Variants in C12orf76 observed in about 807,000 individuals in gnomAD.
The protein encoded by C12orf76 is chromosome 12 open reading frame 76.
A neutral mutation model predicts 6.8 loss-of-function variants in C12orf76; 6 were observed. The observed-to-expected ratio is 0.88, with a 90% CI of 0.48 to 1.73. The LOEUF (loss-of-function observed/expected upper bound fraction) is 1.73, where lower values mean the gene tolerates loss of function less well. Among genes scored for constraint, C12orf76 ranks in the 40% most tolerant of loss-of-function variants. The pLI is 0.01. For missense variants in C12orf76, 99 were observed against 98.2 expected (o/e 1.01, Z -0.03); for synonymous variants, 56 against 43.7 (o/e 1.28, Z -1.11).
exon 1 of C12orf76, chr12:110,067,646 G>A (rs1188414677): frequency 1.1e-6 from 1 of 885,534 alleles, no homozygotes; most frequent in Non-Finnish European, 1.4e-6. Context: ...AAAGTATTGG[G>A]ATTACAGGGG....
At position 110,042,040 on chromosome 12, in the gene C12orf76, A is replaced by C. The variant is rs1892327368; in HGVS notation, c.*334T>G. On this transcript the variant is annotated 3_prime_UTR_variant, in exon 2 of 2. Coordinates refer to ENST00000615315, the MANE Select transcript of C12orf76 (RefSeq NM_001389625.1). Reference sequence around the variant, plus strand: ...CAAGCATTAATGATGAGTTCTTTACAGTGTGGTTCTTACAGGCACTCACAA... The same window carrying C: ...CAAGCATTAATGATGAGTTCTTTACCGTGTGGTTCTTACAGGCACTCACAA... The C allele has an allele frequency of 3.0e-6, 1 of 333,682 alleles. No individual in the cohort carries two copies. The highest frequency in any genetic ancestry group is 2.0e-5 in the African/African-American group (1 of 49,276). The allele number at this position is 333,682 out of a possible 1,614,324, so 20.7% of individuals were successfully genotyped here. A position where few individuals can be genotyped will look rare whatever the true frequency, so the allele number is the denominator to read the frequency against.
At chr12:110,052,605 A>G (rs760149667), upstream of C12orf76, among the ~76,000 whole-genome samples, 4 of 152,346 alleles carry the variant, frequency 2.6e-5, no homozygotes, top group Non-Finnish European at 5.9e-5. Flanking sequence ...GATTACATGC[A>G]TGTGCCATCG....
chr12:110,055,068 A>G (rs1348162150), intron 4 of C12orf76, among the ~76,000 whole-genome samples: 5 of 152,320 alleles, frequency 3.3e-5, no homozygotes, highest in South Asian at 2.1e-4. Flanking sequence ...GTTAAATTGG[A>G]TGATGGTATG....
intron 1 of C12orf76, among the ~76,000 whole-genome samples, chr12:110,066,368 A>G (rs1248304226): frequency 1.6e-4 from 1 of 6,234 alleles, no homozygotes; most frequent in African/African-American, 4.0e-4. Flanking sequence ...GACTCCATCT[A>G]AAAAAAAAAA....
chr12:110,067,395 A>G (rs1315671604), intron 1 of C12orf76: 1 of 985,306 alleles, frequency 1.0e-6, no homozygotes, highest in Non-Finnish European at 1.2e-6. Context: ...CACAGCCCAG[A>G]CAAGCCAGGA....
intron 1 of C12orf76, among the ~76,000 whole-genome samples, chr12:110,046,386 A>G (rs781441655): frequency 5.3e-5 from 8 of 152,232 alleles, no homozygotes; most frequent in Non-Finnish European, 7.3e-5. Context: ...AGACCGCACC[A>G]CTGCACTCCA....
intron 1 of C12orf76, chr12:110,067,361 C>A: frequency 1.0e-6 from 1 of 966,130 alleles, no homozygotes. Flanking sequence ...AATAGGAGCT[C>A]AACAATTACC....
upstream of C12orf76, chr12:110,050,724 C>G: frequency 2.2e-6 from 1 of 463,986 alleles, no homozygotes; most frequent in South Asian, 3.1e-5. Flanking sequence ...CATAAAAATG[C>G]CTAACCAGCA....
At chr12:110,070,337 G>A (rs1192618883), upstream of C12orf76, among the ~76,000 whole-genome samples, 1 of 152,142 alleles carries the variant, frequency 6.6e-6, no homozygotes, top group Non-Finnish European at 1.5e-5. Context: ...GCCAAGATAG[G>A]AGGATTGCCT....
chr12:110,055,214 CT>C (rs1202961460), intron 4 of C12orf76, among the ~76,000 whole-genome samples: 2,980 of 133,436 alleles, frequency 0.022, 23 homozygotes, highest in Non-Finnish European at 0.033. Flanking sequence ...TGAGACGAAG[CT>C]TTTTTTTTTT....
chr12:110,068,732 A>G (rs545313841), upstream of C12orf76, among the ~76,000 whole-genome samples: 27 of 152,292 alleles, frequency 1.8e-4, no homozygotes, highest in South Asian at 5.2e-3. Flanking sequence ...CTGTCTCCTT[A>G]TTCTGGCTCT....
At chr12:110,068,836 A>G (rs879791803), upstream of C12orf76, among the ~76,000 whole-genome samples, 4 of 152,104 alleles carry the variant, frequency 2.6e-5, no homozygotes, top group Non-Finnish European at 5.9e-5. Flanking sequence ...ATTGCCACCT[A>G]TGGTCCACAC....
chr12:110,051,936 G>A (rs978114267), upstream of C12orf76, among the ~76,000 whole-genome samples: 6 of 137,992 alleles, frequency 4.3e-5, no homozygotes, highest in Middle Eastern at 4.0e-3. Flanking sequence ...TTTTGAGATG[G>A]AGTCTCACTC....
At chr12:110,061,509 C>T (rs1892770329) in intron 2 of C12orf76, among the ~76,000 whole-genome samples, 1 of 151,920 alleles carries the variant, frequency 6.6e-6, no homozygotes, top group Admixed American at 6.6e-5. Context: ...CCTGTCCCCT[C>T]CACTCTCTAT....
intron 2 of C12orf76, among the ~76,000 whole-genome samples, chr12:110,060,494 A>G (rs938445248): frequency 6.6e-6 from 1 of 152,098 alleles, no homozygotes; most frequent in Admixed American, 6.6e-5. Context: ...CACTGTGACC[A>G]TGCCCCACCT....
At chr12:110,061,685 T>C (rs925092048) in intron 2 of C12orf76, among the ~76,000 whole-genome samples, 3 of 151,970 alleles carry the variant, frequency 2.0e-5, no homozygotes, top group Admixed American at 2.0e-4. Context: ...TACAGGCATC[T>C]GCCCCCACGC....
At chr12:110,056,776 T>C in intron 4 of C12orf76, 1 of 178,780 alleles carries the variant, frequency 5.6e-6, no homozygotes. Flanking sequence ...TTATGAGATC[T>C]GATGGTTTTA....
intron 2 of C12orf76, among the ~76,000 whole-genome samples, chr12:110,062,445 G>C (rs970600156): frequency 1.3e-5 from 2 of 152,088 alleles, no homozygotes; most frequent in African/African-American, 2.4e-5. Flanking sequence ...GGGAGTGACT[G>C]TTAATGGGTA....
chr12:110,055,987 C>T (rs868309951), intron 4 of C12orf76, among the ~76,000 whole-genome samples: 10 of 151,418 alleles, frequency 6.6e-5, no homozygotes, highest in Middle Eastern at 3.4e-3. Context: ...GCAGGAAAAT[C>T]GTTTGAACCT....
Sources: gnomAD v4.1 joint callset for allele counts (sites outside exome capture counted in the v4.1 genomes callset) on GRCh38, gnomAD v4.1.1 for gene constraint, MANE v1.5 for transcripts, NCBI Gene and HGNC (gene_info 2026-07-23, HGNC 2026-07-21) for gene names.